CHRM3: variants seen among roughly 807,000 people sequenced by gnomAD.
The protein encoded by CHRM3 is muscarinic acetylcholine receptor M3.
Under a neutral mutation model 41.8 loss-of-function variants are expected in CHRM3, and 11 were observed. The observed-to-expected ratio is 0.26, with a 90% CI of 0.17 to 0.44. CHRM3 has a LOEUF of 0.44. CHRM3 is among the 20% of genes least tolerant of loss of function. The pLI, the probability that CHRM3 is intolerant of heterozygous loss-of-function variation, is 1.00. For synonymous variants in CHRM3, 297 were observed against 301.4 expected (o/e 0.99, Z 0.15); for missense variants, 571 against 745.4 (o/e 0.77, Z 2.72).
chr1:239,758,631 T>TA (rs1251422695), intron 5 of CHRM3, among the ~76,000 whole-genome samples: 1 of 152,220 alleles, frequency 6.6e-6, no homozygotes, highest in South Asian at 2.1e-4. Flanking sequence ...CTCACAGTTT[T>TA]AAAAAAATTG....
chr1:239,753,757 A>T (rs1666023944), intron 5 of CHRM3, among the ~76,000 whole-genome samples: 1 of 152,230 alleles, frequency 6.6e-6, no homozygotes, highest in African/African-American at 2.4e-5. Flanking sequence ...GGGTTATATC[A>T]GCAAGCAGTA....
intron 6 of CHRM3, chr1:239,898,234 G>A (rs1679176653): frequency 6.6e-6 from 1 of 152,232 alleles, no homozygotes; most frequent in South Asian, 2.1e-4. Flanking sequence ...GCATGACTGA[G>A]CTAAGCTGAA....
intron 6 of CHRM3, among the ~76,000 whole-genome samples, chr1:239,889,547 T>TA (rs745875144): frequency 6.6e-6 from 1 of 152,184 alleles, no homozygotes; most frequent in South Asian, 2.1e-4. Context: ...GGCTGCTTTT[T>TA]ATTAGAAAAA....
intron 6 of CHRM3, among the ~76,000 whole-genome samples, chr1:239,890,009 G>A (rs1678411095): frequency 6.6e-6 from 1 of 152,138 alleles, no homozygotes; most frequent in Non-Finnish European, 1.5e-5. Flanking sequence ...GGACCCCACA[G>A]TAGTGTAAGT....
chr1:239,819,807 A>C (rs1671888429), intron 5 of CHRM3, among the ~76,000 whole-genome samples: 1 of 152,180 alleles, frequency 6.6e-6, no homozygotes, highest in Admixed American at 6.5e-5. Context: ...GGTGTCTAAG[A>C]GCTTTTCTTC....
chr1:239,864,459 A>C (rs1255109626), intron 6 of CHRM3, among the ~76,000 whole-genome samples: 1 of 152,078 alleles, frequency 6.6e-6, no homozygotes, highest in Non-Finnish European at 1.5e-5. Context: ...GTGAGCCGAG[A>C]TCGTGCCATT....
At chr1:239,394,538 G>A (rs1254022634) in intron 1 of CHRM3, among the ~76,000 whole-genome samples, 1 of 152,182 alleles carries the variant, frequency 6.6e-6, no homozygotes, top group Non-Finnish European at 1.5e-5. Flanking sequence ...TAGGAGGTGG[G>A]CACATCTTTT....
Position 239,713,024 on chromosome 1 carries a change from AAAGG to A in CHRM3, c.-147+34740_-147+34743del, listed in dbSNP as rs923590676. Among the ~76,000 whole-genome samples, 122 of 152,276 alleles carry A rather than the reference AAAGG, an allele frequency of 8.0e-4. 1 individual carries two copies. Among genetic ancestry groups the A allele is most frequent in the African/African-American group, 2.4e-3 (99 of 41,558 alleles). The stretch of plus-strand genomic sequence containing the variant: ...CACAGGGCCAGAAGCCAGCGCCTAA[AAAGG>A]AAGTCCACACGGGCAACACAAACAC... On this transcript the variant is annotated intron_variant, in intron 5 of 6. Coordinates refer to ENST00000676153, the MANE Select transcript of CHRM3 (RefSeq NM_001375978.1).
intron 5 of CHRM3, among the ~76,000 whole-genome samples, chr1:239,775,782 G>C (rs542019105): frequency 7.9e-5 from 12 of 152,332 alleles, no homozygotes; most frequent in Middle Eastern, 3.4e-3. Flanking sequence ...GACTGTCATA[G>C]GCCAGGATTT....
In CHRM3 at chr1:239,580,689, T is replaced by TTATATATATATATATATATATATA. The variant is rs1165930612; in HGVS notation, c.-313+34956_-313+34957insTATATATATATATATATATATATA. On this transcript the variant is annotated intron_variant, in intron 3 of 6. Coordinates refer to ENST00000676153, the MANE Select transcript of CHRM3 (RefSeq NM_001375978.1). Reference sequence around the variant, plus strand: ...GCCACTCAGGCTACTTTGCCCAATTTTATATATATATATATACACACACAC... The same window carrying TTATATATATATATATATATATATA: ...GCCACTCAGGCTACTTTGCCCAATTTTATATATATATATATATATATATATATATATATATATATACACACACAC... Among the ~76,000 whole-genome samples the TTATATATATATATATATATATATA allele has an allele frequency of 3.6e-3, 230 of 64,706 alleles. 1 individual carries two copies. The highest frequency in any genetic ancestry group is 0.011 in the Admixed American group (48 of 4,450). 42.4% of individuals were successfully genotyped at this position (64,706 alleles called of 152,430 possible). A position where few individuals can be genotyped will look rare whatever the true frequency, so the allele number is the denominator to read the frequency against.
chr1:239,494,357 G>T (rs2148083798), intron 2 of CHRM3, among the ~76,000 whole-genome samples: 1 of 152,114 alleles, frequency 6.6e-6, no homozygotes, highest in East Asian at 1.9e-4. Context: ...GGTCAGCAGG[G>T]TTGTGACCAA....
At chr1:239,521,777 C>A (rs973193182) in intron 2 of CHRM3, among the ~76,000 whole-genome samples, 40 of 152,106 alleles carry the variant, frequency 2.6e-4, no homozygotes, top group African/African-American at 9.6e-4. Context: ...AAATAACGTA[C>A]AACAATAAAT....
In CHRM3 at chr1:239,618,281, T is replaced by C. The variant is rs868490235; in HGVS notation, c.-312-13943T>C. Among the ~76,000 whole-genome samples, 112 of 140,540 alleles carry C rather than the reference T, an allele frequency of 8.0e-4. 3 individuals are homozygous for C. Among genetic ancestry groups the C allele is most frequent in the East Asian group, 7.7e-3 (37 of 4,808 alleles). The allele number at this position is 140,540 out of a possible 152,430, so 92.2% of individuals were successfully genotyped here. On this transcript the variant is annotated intron_variant, in intron 3 of 6. Transcript: ENST00000676153. ...AGGAGTACTTTTTTTTTCTTTCTTT[T>C]TTTTTTTTTTTTTTAATGACAAGCA...
intron 2 of CHRM3, among the ~76,000 whole-genome samples, chr1:239,505,538 A>G (rs888224759): frequency 3.3e-5 from 5 of 152,156 alleles, no homozygotes; most frequent in South Asian, 2.1e-4. Context: ...ACCTTCTGCC[A>G]TGATTGTGAT....
intron 5 of CHRM3, among the ~76,000 whole-genome samples, chr1:239,712,272 T>A (rs575320751): frequency 6.6e-6 from 1 of 152,264 alleles, no homozygotes; most frequent in East Asian, 1.9e-4. Context: ...TAGTTATCCT[T>A]GGTTGTGATT....
chr1:239,567,703 A>G (rs2148519672), intron 3 of CHRM3, among the ~76,000 whole-genome samples: 1 of 152,214 alleles, frequency 6.6e-6, no homozygotes, highest in South Asian at 2.1e-4. Context: ...TATGTCCTGA[A>G]GCATGGAGAG....
In CHRM3 at chr1:239,722,381, T is replaced by C. The variant is rs144600404; in HGVS notation, c.-147+44093T>C. Among the ~76,000 whole-genome samples, 10 of 152,052 alleles carry C rather than the reference T, an allele frequency of 6.6e-5. No homozygotes were observed. In the East Asian group the frequency reaches 1.8e-3, roughly 27 times the overall value. On this transcript the variant is annotated intron_variant, in intron 5 of 6. Transcript: ENST00000676153. ...ATACCTAGTTAGTTGCATGAACAGATATTATTGCTGTCTCCTCCCCACAAA... is the reference window on the plus strand; with the variant it reads ...ATACCTAGTTAGTTGCATGAACAGACATTATTGCTGTCTCCTCCCCACAAA...
chr1:239,888,943 T>G (rs184664519), intron 6 of CHRM3, among the ~76,000 whole-genome samples: 1,856 of 152,230 alleles, frequency 0.012, 41 homozygotes, highest in African/African-American at 0.042. Flanking sequence ...AAGTACGTTG[T>G]CATCTCCATA....
chr1:239,771,904 G>T (rs1667707006), intron 5 of CHRM3, among the ~76,000 whole-genome samples: 1 of 152,168 alleles, frequency 6.6e-6, no homozygotes, highest in Non-Finnish European at 1.5e-5. Flanking sequence ...ATATTCTTAG[G>T]TCAAACAGTA....
Sources: gnomAD v4.1 joint callset for allele counts (sites outside exome capture counted in the v4.1 genomes callset) on GRCh38, gnomAD v4.1.1 for gene constraint, MANE v1.5 for transcripts, NCBI Gene and HGNC (gene_info 2026-07-23, HGNC 2026-07-21) for gene names.